The following STAU2 variants were observed in gnomAD, a reference collection of about 807,000 sequenced individuals.
STAU2 encodes the protein staufen double-stranded RNA binding protein 2.
STAU2 carries 20 observed loss-of-function variants against 65.9 expected under a neutral mutation model. The observed-to-expected ratio is 0.30, with a 90% confidence interval of 0.21 to 0.44. STAU2 has a LOEUF of 0.44. STAU2 is among the 20% of genes least tolerant of loss of function. The probability of loss-of-function intolerance (pLI) is 1.00; values close to 1 mark genes in which losing one functional copy is unlikely to be tolerated. For synonymous variants in STAU2, 232 were observed against 233.9 expected, an observed-to-expected ratio of 0.99 and a Z score of 0.07; for missense variants, 558 against 683.9, an observed-to-expected ratio of 0.82 and a Z score of 2.05.
chr8:73,580,601 T>C (rs893534340), intron 12 of STAU2, among the ~76,000 whole-genome samples: 3 of 152,234 alleles, frequency 2.0e-5, no homozygotes, highest in African/African-American at 4.8e-5. Flanking sequence ...TACCATAATA[T>C]ATGAATTTAA....
At chr8:73,560,670 G>A (rs1808157476) in intron 12 of STAU2, among the ~76,000 whole-genome samples, 1 of 152,128 alleles carries the variant, frequency 6.6e-6, no homozygotes, top group Admixed American at 6.6e-5. Context: ...CCCCAAAAAG[G>A]CAGAATCCCA....
chr8:73,421,549 T>C (rs1356646962), intron 14 of STAU2, 84 bp from the exon 15 acceptor site: 1 of 1,299,242 alleles, frequency 7.7e-7, no homozygotes, highest in Non-Finnish European at 1.1e-6. Flanking sequence ...GCACAGAGGA[T>C]TCAAAGGTCA....
intron 6 of STAU2, among the ~76,000 whole-genome samples, chr8:73,654,637 C>CAAAAAAAAAAAAAA (rs71269928): frequency 0.11 from 2,916 of 26,182 alleles, 628 homozygotes; most frequent in Middle Eastern, 0.17. Context: ...AAGATTGTCT[C>CAAAAAAAAAAAAAA]AAAAAAAAAA....
chr8:73,680,293 G>A (rs762082565), intron 5 of STAU2, among the ~76,000 whole-genome samples: 4 of 152,054 alleles, frequency 2.6e-5, no homozygotes, highest in Non-Finnish European at 5.9e-5. Context: ...TAGGGCAAAT[G>A]CTTTTTCTGC....
intron 10 of STAU2, among the ~76,000 whole-genome samples, chr8:73,597,741 A>G (rs552617839): frequency 6.6e-6 from 1 of 151,600 alleles, no homozygotes; most frequent in Admixed American, 6.6e-5. Context: ...ACATATTTAG[A>G]TACAATGGAA....
intron 13 of STAU2, among the ~76,000 whole-genome samples, chr8:73,494,121 C>G (rs997940257): frequency 6.6e-6 from 1 of 151,642 alleles, no homozygotes; most frequent in Non-Finnish European, 1.5e-5. Context: ...AGCATATGAT[C>G]AGAACTTGTC....
chr8:73,640,927 GTA>G (rs1814911012), intron 6 of STAU2, among the ~76,000 whole-genome samples: 1 of 151,658 alleles, frequency 6.6e-6, no homozygotes, highest in South Asian at 2.1e-4. Flanking sequence ...CTAAAATGAA[GTA>G]TTCTTAATAT....
At chr8:73,602,215 A>T (rs1476391460) in intron 10 of STAU2, among the ~76,000 whole-genome samples, 1 of 152,232 alleles carries the variant, frequency 6.6e-6, no homozygotes, top group Non-Finnish European at 1.5e-5. Context: ...AAAGATAAAG[A>T]AACATGGAGA....
chr8:73,606,413 T>C (rs963315780), intron 9 of STAU2, among the ~76,000 whole-genome samples: 1 of 152,052 alleles, frequency 6.6e-6, no homozygotes, highest in African/African-American at 2.4e-5. Flanking sequence ...AAATAAGCAA[T>C]TAAAATTTGT....
chr8:73,421,940 A>T (rs1430189224), intron 14 of STAU2, among the ~76,000 whole-genome samples: 1 of 147,902 alleles, frequency 6.8e-6, no homozygotes, highest in Non-Finnish European at 1.5e-5. Context: ...CTACTATATA[A>T]ATATAACCCC....
chr8:73,633,608 G>T (rs554710225), intron 6 of STAU2, among the ~76,000 whole-genome samples: 20 of 152,280 alleles, frequency 1.3e-4, no homozygotes, highest in African/African-American at 4.8e-4. Flanking sequence ...GGATGGGCTA[G>T]ATCAGTGGTT....
At chr8:73,740,939 A>G (rs1806811826) in intron 1 of STAU2, among the ~76,000 whole-genome samples, 1 of 149,416 alleles carries the variant, frequency 6.7e-6, no homozygotes, top group African/African-American at 2.5e-5. Flanking sequence ...CAGGAGGCCA[A>G]GGTTGCAGTG....
chr8:73,573,106 T>A (rs1809238071), intron 12 of STAU2, among the ~76,000 whole-genome samples: 1 of 152,094 alleles, frequency 6.6e-6, no homozygotes, highest in South Asian at 2.1e-4. Context: ...TATACACCAG[T>A]AACAGACAAA....
chr8:73,619,570 A>C (rs1813079894), intron 6 of STAU2, among the ~76,000 whole-genome samples: 1 of 152,224 alleles, frequency 6.6e-6, no homozygotes, highest in African/African-American at 2.4e-5. Flanking sequence ...CTAATCAATG[A>C]AGGTTTACTG....
intron 13 of STAU2, among the ~76,000 whole-genome samples, chr8:73,492,186 C>T (rs1246847059): frequency 1.3e-5 from 2 of 152,024 alleles, no homozygotes; most frequent in Non-Finnish European, 2.9e-5. Flanking sequence ...GTTACTGACT[C>T]AGATTGGCAT....
intron 3 of STAU2, among the ~76,000 whole-genome samples, chr8:73,728,549 G>A (rs921275864): frequency 6.6e-6 from 1 of 151,030 alleles, no homozygotes; most frequent in Non-Finnish European, 1.5e-5. Context: ...CCATCCTAAC[G>A]GCAATGTAAA....
intron 4 of STAU2, among the ~76,000 whole-genome samples, chr8:73,701,401 AT>A (rs1306682385): frequency 6.6e-6 from 1 of 152,194 alleles, no homozygotes; most frequent in East Asian, 1.9e-4. Flanking sequence ...AATAATCAAA[AT>A]ATATAAGAAG....
intron 10 of STAU2, among the ~76,000 whole-genome samples, chr8:73,602,416 A>G (rs1239364911): frequency 6.6e-6 from 1 of 152,240 alleles, no homozygotes; most frequent in Non-Finnish European, 1.5e-5. Context: ...ATTATTTAAA[A>G]AACAGTTTGA....
rs146884437 is a variant in STAU2 at position 73,479,551 on chromosome 8, T to C, written c.1531-56849A>G. Among the ~76,000 whole-genome samples the C allele has an allele frequency of 8.8e-3, 1,335 of 151,546 alleles. 15 individuals are homozygous for C. The highest frequency in any genetic ancestry group is 0.031 in the African/African-American group (1,284 of 41,278). On this transcript the variant is annotated intron_variant, in intron 13 of 14. Transcript: ENST00000524300. ...AACTTGTGCTACATGTTAGGCTGTATGAAAATGAATGTTTAACATTAAAAT... is the reference window on the plus strand; with the variant it reads ...AACTTGTGCTACATGTTAGGCTGTACGAAAATGAATGTTTAACATTAAAAT...
Sources: gnomAD v4.1 joint callset for allele counts (sites outside exome capture counted in the v4.1 genomes callset) on GRCh38, gnomAD v4.1.1 for gene constraint, MANE v1.5 for transcripts, NCBI Gene and HGNC (gene_info 2026-07-23, HGNC 2026-07-21) for gene names.